The following TENM3 variants were observed in gnomAD, a reference collection of about 807,000 sequenced individuals.
TENM3 encodes teneurin transmembrane protein 3.
Under a neutral mutation model 255.1 loss-of-function variants are expected in TENM3, and 63 were observed. The ratio of observed to expected loss-of-function variants is 0.25; its 90% CI spans 0.20 to 0.30. The LOEUF (loss-of-function observed/expected upper bound fraction) is 0.30, where lower values mean the gene tolerates loss of function less well. Ranked by LOEUF, TENM3 falls within the 10% of genes least tolerant of loss-of-function variation. The probability of loss-of-function intolerance (pLI) is 1.00; values close to 1 mark genes in which losing one functional copy is unlikely to be tolerated. For synonymous variants in TENM3, 1,306 were observed against 1,322.3 expected, an observed-to-expected ratio of 0.99 and a Z score of 0.27; for missense variants, 2,929 against 3,461.1, an observed-to-expected ratio of 0.85 and a Z score of 3.86.
chr4:181,808,193 C>T, the TENM3 span, among the ~76,000 whole-genome samples: 12 of 152,218 alleles, frequency 7.9e-5, no homozygotes, highest in Admixed American at 5.2e-4. Flanking sequence ...AAATTGTAAG[C>T]GGATGTCATG....
chr4:181,629,816 T>C, the TENM3 span, among the ~76,000 whole-genome samples: 41 of 152,358 alleles, frequency 2.7e-4, no homozygotes, highest in East Asian at 7.9e-3. Context: ...GTTGTATCCC[T>C]GCAAGGCTTT....
chr4:181,782,994 C>G, the TENM3 span, among the ~76,000 whole-genome samples: 1 of 151,884 alleles, frequency 6.6e-6, no homozygotes, highest in Admixed American at 6.6e-5. Flanking sequence ...GACAGTTTGT[C>G]ATAATTTCTG....
chr4:182,079,828 T>C, the TENM3 span: 1 of 152,334 alleles, frequency 6.6e-6, no homozygotes, highest in East Asian at 1.9e-4. Flanking sequence ...CGATTGCATC[T>C]GACCGGGAAG....
At chr4:182,321,627 A>AAATAAT (rs569349214) in intron 1 of TENM3, among the ~76,000 whole-genome samples, 5 of 149,968 alleles carry the variant, frequency 3.3e-5, no homozygotes, top group Non-Finnish European at 5.9e-5. Flanking sequence ...CTCTGTCTCA[A>AAATAAT]AATAATAATA....
intron 3 of TENM3, among the ~76,000 whole-genome samples, chr4:182,451,713 G>A (rs1467786834): frequency 6.6e-6 from 1 of 152,188 alleles, no homozygotes; most frequent in Non-Finnish European, 1.5e-5. Context: ...CCTGTTCTAA[G>A]CTGTATTCTT....
chr4:181,549,886 T>A, the TENM3 span, among the ~76,000 whole-genome samples: 1 of 152,206 alleles, frequency 6.6e-6, no homozygotes, highest in Admixed American at 6.5e-5. Context: ...TGAATTTCTC[T>A]GATTCTGGTA....
chr4:181,850,106 T>C, the TENM3 span, among the ~76,000 whole-genome samples: 1 of 151,870 alleles, frequency 6.6e-6, no homozygotes, highest in Non-Finnish European at 1.5e-5. Context: ...CCCTTTTCCT[T>C]CCCATATTTC....
chr4:181,664,125 T>A, the TENM3 span, among the ~76,000 whole-genome samples: 1 of 152,180 alleles, frequency 6.6e-6, no homozygotes, highest in African/African-American at 2.4e-5. Flanking sequence ...CAGGCAAGCT[T>A]CTTGCCTTTT....
chr4:181,770,102 T>C, the TENM3 span, among the ~76,000 whole-genome samples: 1 of 152,086 alleles, frequency 6.6e-6, no homozygotes, highest in South Asian at 2.1e-4. Flanking sequence ...AGTTTGGGGC[T>C]GGGGGGTTAG....
intron 5 of TENM3, among the ~76,000 whole-genome samples, chr4:182,632,918 T>G (rs1002949997): frequency 6.6e-6 from 1 of 152,094 alleles, no homozygotes; most frequent in Non-Finnish European, 1.5e-5. Flanking sequence ...AGTATTAGTT[T>G]TTATTTATCT....
intron 3 of TENM3, among the ~76,000 whole-genome samples, chr4:182,466,386 C>G (rs932986360): frequency 6.6e-6 from 1 of 152,160 alleles, no homozygotes; most frequent in African/African-American, 2.4e-5. Flanking sequence ...ATTTTACCTC[C>G]ATTTTCATGT....
At chr4:182,642,781 G>A (rs1752425261) in intron 5 of TENM3, among the ~76,000 whole-genome samples, 1 of 152,128 alleles carries the variant, frequency 6.6e-6, no homozygotes, top group Non-Finnish European at 1.5e-5. Context: ...ATATCCTACA[G>A]TTGACAGAAT....
At chr4:181,729,000 T>C in the TENM3 span, among the ~76,000 whole-genome samples, 1 of 152,184 alleles carries the variant, frequency 6.6e-6, no homozygotes, top group Non-Finnish European at 1.5e-5. Flanking sequence ...AACAATCAAT[T>C]TATGTTGCTC....
At chr4:182,337,876 T>C (rs1764242463) in intron 2 of TENM3, among the ~76,000 whole-genome samples, 1 of 152,206 alleles carries the variant, frequency 6.6e-6, no homozygotes. Context: ...AAAAGGATCC[T>C]GAGTACATCC....
chr4:181,914,718 G>C, the TENM3 span, among the ~76,000 whole-genome samples: 1 of 152,154 alleles, frequency 6.6e-6, no homozygotes. Context: ...GAAAGGAGGA[G>C]ATAATTAATG....
the TENM3 span, among the ~76,000 whole-genome samples, chr4:182,075,277 C>G: frequency 6.7e-6 from 1 of 148,962 alleles, no homozygotes; most frequent in African/African-American, 2.5e-5. Flanking sequence ...CCGCTCACTG[C>G]AACCTCTGCC....
the TENM3 span, among the ~76,000 whole-genome samples, chr4:181,605,584 G>GAAAGAAAGAAAAGAAAGAAAGAAA: frequency 1.4e-5 from 1 of 69,142 alleles, no homozygotes. Context: ...GAGAAAGAAA[G>GAAAGAAAGAAAAGAAAGAAAGAAA]GAAAGAAAGA....
chr4:181,584,580 T>C, the TENM3 span, among the ~76,000 whole-genome samples: 1 of 152,192 alleles, frequency 6.6e-6, no homozygotes, highest in Non-Finnish European at 1.5e-5. Context: ...CTAAAATGTT[T>C]TAAGTTAATG....
intron 4 of TENM3, among the ~76,000 whole-genome samples, chr4:182,615,875 A>G (rs1033098595): frequency 2.0e-5 from 3 of 152,244 alleles, no homozygotes; most frequent in African/African-American, 7.2e-5. Context: ...CTTTCTAAGC[A>G]GGAGTCTTGA....
Sources: allele counts gnomAD v4.1 joint callset (sites outside exome capture counted in the v4.1 genomes callset), GRCh38; gene constraint gnomAD v4.1.1; transcripts MANE v1.5; gene names NCBI Gene and HGNC (gene_info 2026-07-23, HGNC 2026-07-21).